USH2A: variants seen among roughly 807,000 people sequenced by gnomAD.
USH2A encodes the protein usherin.
Under a neutral mutation model 538.9 loss-of-function variants are expected in USH2A, and 443 were observed. The observed-to-expected ratio is 0.82, with a 90% CI of 0.76 to 0.89. The LOEUF (loss-of-function observed/expected upper bound fraction) is 0.89. Among genes scored for constraint, USH2A ranks in the 40% least tolerant of loss-of-function variants. The probability of loss-of-function intolerance (pLI) is 0.00; values close to 1 mark genes in which losing one functional copy is unlikely to be tolerated. For missense variants in USH2A, 6,633 were observed against 6,324.8 expected (o/e 1.05, Z -1.65); for synonymous variants, 2,413 against 2,273.5 (o/e 1.06, Z -1.75).
At chr1:216,418,285 T>C (rs1382619729) in intron 3 of USH2A, among the ~76,000 whole-genome samples, 2 of 152,144 alleles carry the variant, frequency 1.3e-5, no homozygotes, top group Non-Finnish European at 2.9e-5. Context: ...GCATTGTCTT[T>C]AAGTTTCTGT....
At chr1:215,684,852 A>G (rs1166026003) in intron 61 of USH2A, among the ~76,000 whole-genome samples, 1 of 150,798 alleles carries the variant, frequency 6.6e-6, no homozygotes, top group Non-Finnish European at 1.5e-5. Context: ...CTTAGTTATG[A>G]TGAATACCAA....
At chr1:216,255,936 T>C (rs559751456) in intron 11 of USH2A, among the ~76,000 whole-genome samples, 1 of 152,162 alleles carries the variant, frequency 6.6e-6, no homozygotes, top group Non-Finnish European at 1.5e-5. Flanking sequence ...AGAATTGTTA[T>C]GTCCTATTGA....
chr1:216,179,463 C>T (rs2034451190), intron 20 of USH2A, among the ~76,000 whole-genome samples: 1 of 151,942 alleles, frequency 6.6e-6, no homozygotes, highest in Non-Finnish European at 1.5e-5. Flanking sequence ...GAAGTCAATT[C>T]CTGAGAATGA....
In USH2A at chr1:216,224,132, T is replaced by C. The variant is rs140257653; in HGVS notation, c.2994-6582A>G. ...GGTAACATAGAATATAGAGAGGGTA[T>C]ATCATTAGGGAAGAAACTTTTGGGG... On this transcript the variant is annotated intron_variant, in intron 14 of 71. Transcript: ENST00000307340. Among the ~76,000 whole-genome samples the C allele has an allele frequency of 4.1e-3, 617 of 152,226 alleles. 8 individuals carry two copies. Among genetic ancestry groups the C allele is most frequent in the African/African-American group, 0.014 (589 of 41,554 alleles).
intron 10 of USH2A, among the ~76,000 whole-genome samples, chr1:216,291,533 C>T (rs899983010): frequency 3.3e-5 from 5 of 152,190 alleles, no homozygotes; most frequent in South Asian, 2.1e-4. Context: ...AATAATCAGC[C>T]GATAAATGGA....
chr1:216,061,406 AT>A (rs1396385766), intron 30 of USH2A, among the ~76,000 whole-genome samples: 1 of 152,124 alleles, frequency 6.6e-6, no homozygotes, highest in African/African-American at 2.4e-5. Context: ...ATAGCTTATT[AT>A]TTTTTATATA....
intron 13 of USH2A, 65 bp from the exon 14 acceptor site, chr1:216,232,201 T>G: frequency 6.6e-7 from 1 of 1,514,162 alleles, no homozygotes; most frequent in East Asian, 2.5e-5. Flanking sequence ...TAAAGCATAA[T>G]AATTGATTAC....
intron 4 of USH2A, among the ~76,000 whole-genome samples, chr1:216,350,334 C>T (rs2038258380): frequency 6.6e-6 from 1 of 152,048 alleles, no homozygotes; most frequent in African/African-American, 2.4e-5. Context: ...ATACAATTAT[C>T]CCTTCCCAAC....
intron 3 of USH2A, among the ~76,000 whole-genome samples, chr1:216,389,678 T>C (rs556510930): frequency 3.9e-5 from 6 of 152,274 alleles, no homozygotes; most frequent in Admixed American, 3.9e-4. Context: ...AAACAGAAAG[T>C]AAATATACAT....
chr1:215,918,683 C>A (rs1202080300), intron 38 of USH2A, among the ~76,000 whole-genome samples: 1 of 152,068 alleles, frequency 6.6e-6, no homozygotes, highest in African/African-American at 2.4e-5. Flanking sequence ...TAGTCATTGG[C>A]AGAATTTAAA....
intron 21 of USH2A, among the ~76,000 whole-genome samples, chr1:216,149,945 G>A (rs573326338): frequency 2.6e-5 from 4 of 152,140 alleles, no homozygotes; most frequent in Admixed American, 2.0e-4. Context: ...CCTGGAAGTC[G>A]CAAGTACTCT....
At chr1:216,184,872 T>G (rs2102649927) in intron 20 of USH2A, among the ~76,000 whole-genome samples, 1 of 152,026 alleles carries the variant, frequency 6.6e-6, no homozygotes. Context: ...GAAAGAAAAT[T>G]TAATGCACAC....
At chr1:216,134,003 G>T (rs1170542783) in intron 21 of USH2A, among the ~76,000 whole-genome samples, 5 of 151,982 alleles carry the variant, frequency 3.3e-5, no homozygotes, top group Admixed American at 6.6e-5. Flanking sequence ...CTATCATGTT[G>T]CTTCTAGGAT....
chr1:215,972,056 C>T (rs1367720520), intron 35 of USH2A, among the ~76,000 whole-genome samples: 1 of 152,160 alleles, frequency 6.6e-6, no homozygotes. Context: ...ATTCATCTGA[C>T]GTCCGCCCCA....
intron 35 of USH2A, among the ~76,000 whole-genome samples, chr1:215,983,944 T>C (rs1302483298): frequency 2.0e-5 from 3 of 152,126 alleles, no homozygotes; most frequent in Non-Finnish European, 4.4e-5. Flanking sequence ...AGGCTTCAAA[T>C]AGGAAATGTA....
chr1:215,947,943 G>A (rs1452140549), intron 37 of USH2A, among the ~76,000 whole-genome samples: 1 of 152,120 alleles, frequency 6.6e-6, no homozygotes, highest in East Asian at 1.9e-4. Context: ...AAATCAGAAA[G>A]ATAATAAGAA....
At chr1:216,100,424 CTCTTT>C (rs1426219289) in intron 21 of USH2A, among the ~76,000 whole-genome samples, 1 of 152,160 alleles carries the variant, frequency 6.6e-6, no homozygotes, top group Non-Finnish European at 1.5e-5. Context: ...TTTCTACCAA[CTCTTT>C]TCTTCTCTTA....
At chr1:216,082,566 A>G (rs566651631) in intron 26 of USH2A, among the ~76,000 whole-genome samples, 3 of 151,894 alleles carry the variant, frequency 2.0e-5, no homozygotes, top group African/African-American at 7.2e-5. Context: ...AGATGTTCAT[A>G]TTTTTCTCCT....
rs1488522418 is a variant in USH2A, at chr1:215,674,737, T to C, written c.13174A>G (p.Arg4392Gly). ...QNGKITKYLVRYDNKESLAGQ... is the reference protein window; with the variant it reads ...QNGKITKYLVGYDNKESLAGQ... ...GCAAGGGACTCTTTATTATCATATC[T>C]AACTAAATATTTAGTAATCTTTCCA... Residue 4392 changes from arginine (R) to glycine (G), a missense_variant, in exon 63 of 72, where the codon AGA becomes GGA. Coordinates refer to ENST00000307340, the MANE Select transcript of USH2A (RefSeq NM_206933.4). 2 of 1,614,162 alleles carry C rather than the reference T, an allele frequency of 1.2e-6. No homozygotes were observed. Among genetic ancestry groups the C allele is most frequent in the South Asian group, 2.2e-5 (2 of 91,084 alleles).
Sources: gnomAD v4.1 joint callset for allele counts (sites outside exome capture counted in the v4.1 genomes callset) on GRCh38, gnomAD v4.1.1 for gene constraint, MANE v1.5 for transcripts, NCBI Gene and HGNC (gene_info 2026-07-23, HGNC 2026-07-21) for gene names.